Variants in FAAH2 observed in about 807,000 individuals in gnomAD.
FAAH2 encodes the protein fatty-acid amide hydrolase 2.
FAAH2 carries 60 observed loss-of-function variants against 36.9 expected under a neutral mutation model. The observed-to-expected ratio is 1.63, with a 90% CI of 1.32 to 2.02. The LOEUF (loss-of-function observed/expected upper bound fraction) is 2.02, where lower values mean the gene tolerates loss of function less well. FAAH2 is among the 30% of genes most tolerant of loss of function. The pLI is 0.00. For missense variants in FAAH2, 689 were observed against 397.5 expected, an observed-to-expected ratio of 1.73 and a Z score of -6.23; for synonymous variants, 214 against 143.8, an observed-to-expected ratio of 1.49 and a Z score of -3.49.
chrX:57,143,256 A>G, the FAAH2 span, among the ~76,000 whole-genome samples: 3 of 109,588 alleles, frequency 2.7e-5, no homozygotes, highest in African/African-American at 1.0e-4. Context: ...CTTGCTTTAT[A>G]TTTTTTGTAT....
At chrX:57,201,249 C>T in the FAAH2 span, among the ~76,000 whole-genome samples, 3 of 109,414 alleles carry the variant, frequency 2.7e-5, no homozygotes, top group African/African-American at 1.0e-4. Context: ...GGTGAAACCC[C>T]GTCTACTAAA....
At chrX:57,276,077 T>A in the FAAH2 span, among the ~76,000 whole-genome samples, 1 of 111,831 alleles carries the variant, frequency 8.9e-6, no homozygotes, top group Non-Finnish European at 1.9e-5. Flanking sequence ...GTGGACCTAA[T>A]AGACATCTAC....
At chrX:57,234,143 T>C in the FAAH2 span, among the ~76,000 whole-genome samples, 2 of 112,950 alleles carry the variant, frequency 1.8e-5, no homozygotes, top group Non-Finnish European at 3.7e-5. Context: ...TAAGTTTTTG[T>C]ATTATTTATT....
intron 7 of FAAH2, among the ~76,000 whole-genome samples, chrX:57,385,769 G>C (rs949593054): frequency 9.0e-6 from 1 of 110,827 alleles, no homozygotes; most frequent in Non-Finnish European, 1.9e-5. Flanking sequence ...TTAGCCGGGC[G>C]CGGTGGCGGG....
chrX:57,377,903 G>T (rs1190177065), intron 5 of FAAH2, among the ~76,000 whole-genome samples: 2 of 111,516 alleles, frequency 1.8e-5, no homozygotes, highest in Non-Finnish European at 3.8e-5. Flanking sequence ...TTTCTTTTTA[G>T]CAATTGTGAA....
the FAAH2 span, among the ~76,000 whole-genome samples, chrX:57,238,475 AC>A: frequency 9.0e-6 from 1 of 111,158 alleles, no homozygotes; most frequent in African/African-American, 3.3e-5. Context: ...GAGGGGAACA[AC>A]AGACAGTGGA....
chrX:57,417,435 G>A (rs746732503), intron 7 of FAAH2, among the ~76,000 whole-genome samples: 4 of 111,873 alleles, frequency 3.6e-5, no homozygotes, highest in African/African-American at 1.3e-4. Context: ...TTTTGTTGAT[G>A]TTGATGCTAT....
chrX:57,421,130 A>G (rs1196434891), intron 7 of FAAH2, among the ~76,000 whole-genome samples: 1 of 112,267 alleles, frequency 8.9e-6, no homozygotes, highest in African/African-American at 3.2e-5. Context: ...CACATGAGTG[A>G]AAACTATTAT....
intron 5 of FAAH2, among the ~76,000 whole-genome samples, chrX:57,368,195 C>A (rs2054466366): frequency 9.0e-6 from 1 of 110,993 alleles, no homozygotes; most frequent in African/African-American, 3.3e-5. Context: ...AGCTGCAAAT[C>A]TAGCAGCCAA....
chrX:57,486,080 C>A (rs2057468657), intron 10 of FAAH2, among the ~76,000 whole-genome samples: 1 of 111,615 alleles, frequency 9.0e-6, no homozygotes. Context: ...GATGGCTATC[C>A]TTTGCAATCA....
upstream of FAAH2, among the ~76,000 whole-genome samples, chrX:57,282,244 C>A: frequency 1.8e-5 from 2 of 111,995 alleles, no homozygotes; most frequent in South Asian, 7.5e-4. Flanking sequence ...AGTTTTTTGA[C>A]ATTTTAATAA....
chrX:57,147,854 A>C, the FAAH2 span, among the ~76,000 whole-genome samples: 1 of 111,383 alleles, frequency 9.0e-6, no homozygotes, highest in Non-Finnish European at 1.9e-5. Flanking sequence ...ATTTCCATGT[A>C]TTTTCATGGT....
At chrX:57,477,689 C>T (rs1356926989) in intron 10 of FAAH2, among the ~76,000 whole-genome samples, 22 of 102,414 alleles carry the variant, frequency 2.1e-4, no homozygotes, top group Non-Finnish European at 1.4e-4. Flanking sequence ...CCTTCCTGTG[C>T]CCAAGTGTTC....
At chrX:57,405,074 C>A (rs1351373532) in intron 7 of FAAH2, among the ~76,000 whole-genome samples, 1 of 112,009 alleles carries the variant, frequency 8.9e-6, no homozygotes, top group Non-Finnish European at 1.9e-5. Context: ...CCATGCTAAT[C>A]GTTTTTAACT....
chrX:57,242,499 C>T, the FAAH2 span, among the ~76,000 whole-genome samples: 1 of 112,372 alleles, frequency 8.9e-6, no homozygotes, highest in Non-Finnish European at 1.9e-5. Flanking sequence ...TTCTGATCTG[C>T]AGCTCCCAGC....
chrX:57,244,044 G>GTT, the FAAH2 span, among the ~76,000 whole-genome samples: 2 of 107,465 alleles, frequency 1.9e-5, no homozygotes, highest in Non-Finnish European at 3.8e-5. Context: ...CCAGTTTAGA[G>GTT]AACATAAATG....
At chrX:57,481,435 C>G (rs1005550810) in intron 10 of FAAH2, among the ~76,000 whole-genome samples, 2 of 111,226 alleles carry the variant, frequency 1.8e-5, no homozygotes, top group Non-Finnish European at 3.8e-5. Flanking sequence ...GTGTGGGGTT[C>G]TTTATGTTGA....
At chrX:57,385,824 C>T (rs960229457) in intron 7 of FAAH2, among the ~76,000 whole-genome samples, 1 of 109,115 alleles carries the variant, frequency 9.2e-6, no homozygotes, top group Non-Finnish European at 1.9e-5. Flanking sequence ...AGGAGAATGG[C>T]GTCAACCCGG....
intron 10 of FAAH2, among the ~76,000 whole-genome samples, chrX:57,461,384 A>G (rs1406525528): frequency 9.0e-6 from 1 of 111,656 alleles, no homozygotes; most frequent in Non-Finnish European, 1.9e-5. Context: ...TTATTCTAAA[A>G]TTGACCACAT....
Sources: allele counts gnomAD v4.1 joint callset (sites outside exome capture counted in the v4.1 genomes callset), GRCh38; gene constraint gnomAD v4.1.1; transcripts MANE v1.5; gene names NCBI Gene and HGNC (gene_info 2026-07-23, HGNC 2026-07-21).